PRKDC: variants seen among roughly 807,000 people sequenced by gnomAD.
PRKDC encodes protein kinase, DNA-activated, catalytic subunit.
A neutral mutation model predicts 486.9 loss-of-function variants in PRKDC; 82 were observed. The ratio of observed to expected loss-of-function variants is 0.17; its 90% CI spans 0.14 to 0.20. PRKDC has a LOEUF of 0.20. PRKDC is among the 10% of genes least tolerant of loss of function. PRKDC has a pLI of 1.00. For missense variants in PRKDC, 4,504 were observed against 5,038.2 expected (o/e 0.89, Z 3.21); for synonymous variants, 1,895 against 1,837.0 (o/e 1.03, Z -0.81).
At chr8:47,794,644 T>C (rs2086944730) in intron 73 of PRKDC, 143 bp from the exon 74 acceptor site, 2 of 705,804 alleles carry the variant, frequency 2.8e-6, no homozygotes, top group Non-Finnish European at 4.5e-6. Context: ...AGCTCTCTTC[T>C]GCTGCGGCAA....
At position 47,862,470 on chromosome 8, in the gene PRKDC, T is replaced by C; in HGVS notation, c.5822A>G (p.His1941Arg). The change falls in exon 43 of 86, where the codon CAT (histidine) becomes CGT (arginine). Residue 1941 changes from histidine (H) to arginine (R), a missense_variant. This residue lies in a region of PRKDC where 80 missense variants were observed against 132.3 expected (regional missense o/e 0.60). Coordinates refer to ENST00000314191, the MANE Select transcript of PRKDC (RefSeq NM_006904.7). Reference protein sequence around the residue: ...NQLLERRRLYHCAAYNCAISV... With the variant: ...NQLLERRRLYRCAAYNCAISV... Reference sequence around the variant, plus strand: ...TATGGCGCAGTTGTATGCTGCACAATGGTAAAGTCTTCTCCTCTCCAGCAG... The same window carrying C: ...TATGGCGCAGTTGTATGCTGCACAACGGTAAAGTCTTCTCCTCTCCAGCAG... 1 of 1,613,940 alleles carries C rather than the reference T, an allele frequency of 6.2e-7. No homozygotes were observed. Among genetic ancestry groups the C allele is most frequent in the Non-Finnish European group, 8.5e-7 (1 of 1,179,834 alleles).
At chr8:47,883,434 C>T (rs1223441667) in intron 36 of PRKDC, among the ~76,000 whole-genome samples, 1 of 152,146 alleles carries the variant, frequency 6.6e-6, no homozygotes, top group Non-Finnish European at 1.5e-5. Flanking sequence ...CACTCCATGG[C>T]CCTCTTCTAC....
chr8:47,851,343 TA>T (rs1338890552), intron 52 of PRKDC, among the ~76,000 whole-genome samples: 2 of 152,244 alleles, frequency 1.3e-5, no homozygotes, highest in African/African-American at 4.8e-5. Context: ...AATCATCTTG[TA>T]AAAAAGTTCT....
At chr8:47,895,218 A>T (rs1226486491) in intron 30 of PRKDC, among the ~76,000 whole-genome samples, 1 of 152,106 alleles carries the variant, frequency 6.6e-6, no homozygotes, top group Non-Finnish European at 1.5e-5. Flanking sequence ...GGAAAAAAAT[A>T]AAAGAAAACA....
intron 74 of PRKDC, among the ~76,000 whole-genome samples, chr8:47,791,882 A>T (rs1010491124): frequency 6.6e-6 from 1 of 152,244 alleles, no homozygotes; most frequent in Admixed American, 6.5e-5. Context: ...TATCAGTATG[A>T]TATCTGCACT....
At chr8:47,840,677 G>GTATA (rs1563761955) in intron 54 of PRKDC, among the ~76,000 whole-genome samples, 5 of 152,200 alleles carry the variant, frequency 3.3e-5, no homozygotes, top group Admixed American at 2.0e-4. Context: ...CTGGCATGGT[G>GTATA]TATAGTGAAG....
At chr8:47,785,352 GT>G in intron 76 of PRKDC, 35 bp from the exon 77 acceptor site, 1 of 1,483,910 alleles carries the variant, frequency 6.7e-7, no homozygotes, top group Non-Finnish European at 9.2e-7. Flanking sequence ...AAAGACTGAT[GT>G]TTAGTTTGGA....
intron 80 of PRKDC, 147 bp from the exon 81 acceptor site, chr8:47,779,240 G>C (rs765997394): frequency 5.2e-6 from 3 of 575,272 alleles, no homozygotes; most frequent in Non-Finnish European, 9.0e-6. Flanking sequence ...TATTAACATT[G>C]AACCCACATT....
intron 56 of PRKDC, among the ~76,000 whole-genome samples, chr8:47,838,794 T>C (rs2088080713): frequency 6.6e-6 from 1 of 152,214 alleles, no homozygotes; most frequent in African/African-American, 2.4e-5. Flanking sequence ...ACACTTTATT[T>C]TCAACATTAA....
intron 40 of PRKDC, among the ~76,000 whole-genome samples, chr8:47,873,518 T>G (rs934981956): frequency 2.0e-5 from 3 of 152,144 alleles, no homozygotes; most frequent in Non-Finnish European, 4.4e-5. Flanking sequence ...CACTCCAGCC[T>G]GGGTGAAGAA....
At chr8:47,930,586 T>C (rs1475176004) in intron 17 of PRKDC, 86 bp downstream of exon 17, 1 of 1,347,854 alleles carries the variant, frequency 7.4e-7, no homozygotes, top group Non-Finnish European at 1.0e-6. Flanking sequence ...ATTTCATTTC[T>C]TACATCTATA....
intron 66 of PRKDC, 27 bp from the exon 67 acceptor site, chr8:47,819,537 G>T: frequency 1.9e-6 from 2 of 1,045,982 alleles, no homozygotes; most frequent in Non-Finnish European, 2.7e-6. Flanking sequence ...AAAAAAAAGG[G>T]CATTTACAAA....
chr8:47,813,445 A>G (rs965127988), intron 68 of PRKDC, among the ~76,000 whole-genome samples: 11 of 152,274 alleles, frequency 7.2e-5, no homozygotes, highest in Admixed American at 5.2e-4. Context: ...ATTCTCTATC[A>G]GTATTGACTA....
At chr8:47,811,908 T>C (rs961687003) in intron 68 of PRKDC, among the ~76,000 whole-genome samples, 1 of 152,136 alleles carries the variant, frequency 6.6e-6, no homozygotes, top group Admixed American at 6.5e-5. Context: ...ACCTGGGTGA[T>C]GCAGGTTGCA....
In PRKDC at chr8:47,820,933, A is replaced by C. The variant is rs1456254378; in HGVS notation, c.9122T>G (p.Leu3041Arg). ...WSEPFYQETY[L>R]PYMIRSKLKL... ...CAGCTTGCTGCGGATCATGTAAGGT[A>C]GATATGTTTCCTAAGGAACATAAAA... Residue 3041 changes from leucine (L) to arginine (R), a missense_variant, in exon 66 of 86, where the codon CTA (leucine) becomes CGA (arginine). Leu to Arg is a moderately radical substitution (Grantham distance 102, BLOSUM62 -2). Coordinates refer to ENST00000314191, the MANE Select transcript of PRKDC (RefSeq NM_006904.7). 1.3e-6 allele frequency: 2 copies of C among 1,588,268 alleles called. No homozygotes were observed. The highest frequency in any genetic ancestry group is 1.7e-6 in the Non-Finnish European group (2 of 1,165,234).
chr8:47,835,729 T>C (rs540449042), intron 58 of PRKDC, among the ~76,000 whole-genome samples: 1 of 150,994 alleles, frequency 6.6e-6, no homozygotes, highest in Admixed American at 6.6e-5. Flanking sequence ...TACGCTGCTG[T>C]ACAACCATCA....
rs1457497303 is a variant in PRKDC, at chr8:47,877,716, T to C, written c.5363+8A>G. On this transcript the variant is annotated splice_region_variant and intron_variant, in intron 40 of 85. Transcript: ENST00000314191. ...TGGTTCCTGAGATCCCAGGCCAGAATGACTTACCTTCTGGCAATCCTCCTG... is the reference window on the plus strand; with the variant it reads ...TGGTTCCTGAGATCCCAGGCCAGAACGACTTACCTTCTGGCAATCCTCCTG... The C allele has an allele frequency of 7.0e-6, 11 of 1,574,568 alleles. No individual in the cohort carries two copies. Among genetic ancestry groups the C allele is most frequent in the Non-Finnish European group, 9.5e-6 (11 of 1,159,458 alleles).
chr8:47,789,690 A>G (rs1181499025), intron 74 of PRKDC, among the ~76,000 whole-genome samples: 1 of 152,216 alleles, frequency 6.6e-6, no homozygotes, highest in East Asian at 1.9e-4. Context: ...TCAACAGCAC[A>G]TTAAAAAGAT....
At chr8:47,811,823 C>T (rs1337972931) in intron 68 of PRKDC, among the ~76,000 whole-genome samples, 5 of 152,020 alleles carry the variant, frequency 3.3e-5, no homozygotes, top group Admixed American at 6.5e-5. Context: ...CTAAAAAATA[C>T]AAAATTAGCT....
Sources: allele counts gnomAD v4.1 joint callset (sites outside exome capture counted in the v4.1 genomes callset), GRCh38; gene constraint gnomAD v4.1.1; regional missense constraint gnomAD v4.1.1; transcripts MANE v1.5; gene names NCBI Gene and HGNC (gene_info 2026-07-23, HGNC 2026-07-21).